Variants in CNBD1 observed in about 807,000 individuals in gnomAD.
CNBD1 encodes the protein cyclic nucleotide binding domain containing 1.
Under a neutral mutation model 54.4 loss-of-function variants are expected in CNBD1, and 71 were observed. The observed-to-expected ratio is 1.30, with a 90% CI of 1.08 to 1.59. The LOEUF (loss-of-function observed/expected upper bound fraction) is 1.59, where lower values mean the gene tolerates loss of function less well. CNBD1 is among the 40% of genes most tolerant of loss of function. CNBD1 has a pLI of 0.00. For missense variants in CNBD1, 659 were observed against 518.0 expected (o/e 1.27, Z -2.64); for synonymous variants, 182 against 170.7 (o/e 1.07, Z -0.51).
chr8:87,426,220 G>A (rs1309871355), intron 2 of CNBD1, among the ~76,000 whole-genome samples: 4 of 152,168 alleles, frequency 2.6e-5, no homozygotes, highest in Non-Finnish European at 4.4e-5. Context: ...CCGCTGTCTG[G>A]CACTCCCTAG....
At chr8:87,125,057 CA>C (rs1208672241) in intron 4 of CNBD1, among the ~76,000 whole-genome samples, 3 of 151,444 alleles carry the variant, frequency 2.0e-5, no homozygotes, top group Non-Finnish European at 3.0e-5. Context: ...ACAATAGCAA[CA>C]AAAATTAAAT....
chr8:86,979,402 C>CAAAAAAAAA (rs776634552), intron 4 of CNBD1, among the ~76,000 whole-genome samples: 25 of 10,384 alleles, frequency 2.4e-3, no homozygotes, highest in Non-Finnish European at 2.7e-3. Context: ...ATCATCTCTA[C>CAAAAAAAAA]AAAAAAAAAA....
intron 4 of CNBD1, among the ~76,000 whole-genome samples, chr8:87,138,300 C>G (rs1005570121): frequency 6.6e-6 from 1 of 152,174 alleles, no homozygotes; most frequent in Non-Finnish European, 1.5e-5. Context: ...CTTTGATGCA[C>G]AAGAATTCAG....
intron 3 of CNBD1, among the ~76,000 whole-genome samples, chr8:86,929,997 G>A (rs1809429415): frequency 6.6e-6 from 1 of 152,142 alleles, no homozygotes; most frequent in Non-Finnish European, 1.5e-5. Context: ...GCTTAAGGCT[G>A]GAGCTTGTAC....
intron 1 of CNBD1, among the ~76,000 whole-genome samples, chr8:86,874,885 C>A (rs1808491353): frequency 6.6e-6 from 1 of 150,758 alleles, no homozygotes; most frequent in East Asian, 2.0e-4. Flanking sequence ...GATCTGGGTG[C>A]TCTGTGCATC....
At chr8:87,084,153 T>C (rs570012874) in intron 4 of CNBD1, among the ~76,000 whole-genome samples, 1 of 152,360 alleles carries the variant, frequency 6.6e-6, no homozygotes, top group South Asian at 2.1e-4. Context: ...CATGTTTCAT[T>C]GTATATATGT....
At chr8:87,236,571 TAAA>T (rs938073126) in intron 5 of CNBD1, among the ~76,000 whole-genome samples, 1 of 151,910 alleles carries the variant, frequency 6.6e-6, no homozygotes, top group African/African-American at 2.4e-5. Flanking sequence ...TCATAAACAT[TAAA>T]AAACATTCAA....
chr8:87,151,151 T>C (rs1812594923), intron 4 of CNBD1, among the ~76,000 whole-genome samples: 1 of 152,210 alleles, frequency 6.6e-6, no homozygotes, highest in Non-Finnish European at 1.5e-5. Context: ...GCCAGAAGTC[T>C]GTATGTTTTC....
intron 4 of CNBD1, among the ~76,000 whole-genome samples, chr8:87,195,178 C>T (rs534187427): frequency 3.3e-5 from 5 of 151,476 alleles, no homozygotes; most frequent in South Asian, 2.1e-4. Context: ...CCACCATGCC[C>T]GGCCCGTTTA....
intron 4 of CNBD1, among the ~76,000 whole-genome samples, chr8:86,995,514 TCA>T (rs775104476): frequency 2.0e-5 from 3 of 152,058 alleles, no homozygotes; most frequent in African/African-American, 4.8e-5. Context: ...AGGATAAAAA[TCA>T]CAGAGTTGGA....
chr8:87,375,665 A>C (rs112156838), intron 10 of CNBD1, among the ~76,000 whole-genome samples: 1 of 151,916 alleles, frequency 6.6e-6, no homozygotes, highest in African/African-American at 2.4e-5. Context: ...GAAATGAATG[A>C]AATTCATTAT....
chr8:86,884,008 C>T lies in CNBD1; in HGVS notation c.89-3534C>T, dbSNP rs562707064. Among the ~76,000 whole-genome samples the T allele has an allele frequency of 5.4e-4, 82 of 151,832 alleles. 1 individual carries two copies. In the South Asian group the frequency reaches 0.014, roughly 26 times the overall value. ...CTACTAAAAAATACAAAAAATTAGCCGGGCGTAGTGGCGGGCGCCTGTAGT... is the reference window on the plus strand; with the variant it reads ...CTACTAAAAAATACAAAAAATTAGCTGGGCGTAGTGGCGGGCGCCTGTAGT... On this transcript the variant is annotated intron_variant, in intron 1 of 10. Transcript: ENST00000518476.
chr8:87,279,664 T>G (rs982615381), intron 6 of CNBD1, among the ~76,000 whole-genome samples: 3 of 151,274 alleles, frequency 2.0e-5, no homozygotes, highest in Non-Finnish European at 3.0e-5. Context: ...CAGTAAAAAT[T>G]ATTACCTCAA....
At chr8:86,930,494 A>G (rs1017335993) in intron 3 of CNBD1, among the ~76,000 whole-genome samples, 3 of 152,144 alleles carry the variant, frequency 2.0e-5, no homozygotes, top group Admixed American at 6.6e-5. Flanking sequence ...GGCTATCCCT[A>G]AATCCTTGGG....
At chr8:87,349,852 C>A (rs1426710442) in intron 8 of CNBD1, among the ~76,000 whole-genome samples, 1 of 152,144 alleles carries the variant, frequency 6.6e-6, no homozygotes, top group Non-Finnish European at 1.5e-5. Context: ...GATTTTGCAA[C>A]AATGGTTTGG....
At chr8:87,109,552 T>C (rs2130702461) in intron 4 of CNBD1, among the ~76,000 whole-genome samples, 1 of 150,288 alleles carries the variant, frequency 6.7e-6, no homozygotes, top group Non-Finnish European at 1.5e-5. Context: ...TTTTTTTTTT[T>C]TTTTGAGGCA....
intron 4 of CNBD1, among the ~76,000 whole-genome samples, chr8:87,033,445 A>T (rs996937330): frequency 2.2e-4 from 33 of 152,224 alleles, no homozygotes; most frequent in African/African-American, 7.5e-4. Flanking sequence ...TGATGAAATC[A>T]GTCCAGAAAA....
At chr8:87,138,296 T>C (rs1217982527) in intron 4 of CNBD1, among the ~76,000 whole-genome samples, 1 of 152,218 alleles carries the variant, frequency 6.6e-6, no homozygotes, top group Non-Finnish European at 1.5e-5. Context: ...AGAACTTTGA[T>C]GCACAAGAAT....
rs1338616780 is a variant in CNBD1, at chr8:86,992,466, C to T, written c.431+52712C>T. Among the ~76,000 whole-genome samples the T allele has an allele frequency of 2.6e-5, 4 of 152,186 alleles. No homozygotes were observed. The East Asian group carries it at 5.8e-4, about 22-fold the overall frequency. ...TTAAATGAAGCATTTAGACCATTTTCATTCAGAGTTAGTATTGATATACGA... is the reference window on the plus strand; with the variant it reads ...TTAAATGAAGCATTTAGACCATTTTTATTCAGAGTTAGTATTGATATACGA... On this transcript the variant is annotated intron_variant, in intron 4 of 10. Coordinates refer to ENST00000518476, the MANE Select transcript of CNBD1 (RefSeq NM_173538.3).
Sources: allele counts gnomAD v4.1 joint callset (sites outside exome capture counted in the v4.1 genomes callset), GRCh38; gene constraint gnomAD v4.1.1; transcripts MANE v1.5; gene names NCBI Gene and HGNC (gene_info 2026-07-23, HGNC 2026-07-21).